Variants in DTNB observed in about 807,000 individuals in gnomAD.
DTNB encodes the protein DTN-B.
A neutral mutation model predicts 90.7 loss-of-function variants in DTNB; 63 were observed. The ratio of observed to expected loss-of-function variants is 0.69; its 90% CI spans 0.57 to 0.86. DTNB has a LOEUF of 0.86. Ranked by LOEUF, DTNB falls within the 40% of genes least tolerant of loss-of-function variation. The pLI is 0.00. For missense variants in DTNB, 744 were observed against 807.1 expected, an observed-to-expected ratio of 0.92 and a Z score of 0.95; for synonymous variants, 277 against 286.7, an observed-to-expected ratio of 0.97 and a Z score of 0.34.
chr2:25,537,619 C>T (rs1038594089), intron 8 of DTNB, among the ~76,000 whole-genome samples: 2 of 152,110 alleles, frequency 1.3e-5, no homozygotes, highest in African/African-American at 4.8e-5. Context: ...AAGGGATTTC[C>T]TTAAAAGATC....
At chr2:25,657,377 G>T (rs2082267894) in intron 1 of DTNB, among the ~76,000 whole-genome samples, 3 of 152,112 alleles carry the variant, frequency 2.0e-5, no homozygotes. Flanking sequence ...CTGAGTGACA[G>T]AAAATATTTT....
rs1318000081 is a variant in DTNB at position 25,597,843 on chromosome 2, CA to C, written c.449-1604del. Among the ~76,000 whole-genome samples the C allele has an allele frequency of 4.6e-5, 7 of 152,212 alleles. No homozygotes were observed. The South Asian group carries it at 1.5e-3, about 32-fold the overall frequency. On this transcript the variant is annotated intron_variant, in intron 5 of 20. Transcript: ENST00000406818. ...TGGTCCTTATCCCCCAAGAAACTTT[CA>C]ATGTAGCTGGAAAAATAAGATACAC...
At chr2:25,457,118 T>C (rs1345631892) in intron 10 of DTNB, among the ~76,000 whole-genome samples, 1 of 152,126 alleles carries the variant, frequency 6.6e-6, no homozygotes, top group Non-Finnish European at 1.5e-5. Context: ...CAAGTGATTC[T>C]CCTGCCTCAG....
At chr2:25,650,795 T>C (rs1239037709) in intron 2 of DTNB, among the ~76,000 whole-genome samples, 1 of 152,096 alleles carries the variant, frequency 6.6e-6, no homozygotes, top group Non-Finnish European at 1.5e-5. Context: ...ACCCCATCTC[T>C]ACTAAAAATA....
chr2:25,491,652 G>C (rs2067518751), intron 9 of DTNB, among the ~76,000 whole-genome samples: 1 of 151,964 alleles, frequency 6.6e-6, no homozygotes, highest in Non-Finnish European at 1.5e-5. Context: ...CCCCTTCACT[G>C]GGAACAGTGG....
At chr2:25,549,328 T>G (rs1318402037) in intron 8 of DTNB, among the ~76,000 whole-genome samples, 1 of 152,070 alleles carries the variant, frequency 6.6e-6, no homozygotes, top group Non-Finnish European at 1.5e-5. Flanking sequence ...CCTACTTTCC[T>G]GTCTTCTCTT....
intron 9 of DTNB, among the ~76,000 whole-genome samples, chr2:25,529,861 T>C (rs1002755494): frequency 6.6e-6 from 1 of 152,154 alleles, no homozygotes; most frequent in Non-Finnish European, 1.5e-5. Context: ...GTTATGGTTA[T>C]CGAAGAGAAT....
intron 12 of DTNB, among the ~76,000 whole-genome samples, chr2:25,436,298 G>A (rs2055747024): frequency 6.6e-6 from 1 of 151,926 alleles, no homozygotes; most frequent in Non-Finnish European, 1.5e-5. Context: ...TTGTGCCACT[G>A]CACTCCAGCC....
At position 25,628,220 on chromosome 2, in the gene DTNB, C is replaced by G; in HGVS notation, c.313G>C (p.Glu105Gln). The G allele has an allele frequency of 6.2e-7, 1 of 1,613,510 alleles. No individual in the cohort carries two copies. The highest frequency in any genetic ancestry group is 1.1e-5 in the South Asian group (1 of 91,062). The change falls in exon 4 of 21, where the codon GAA becomes CAA. Residue 105 changes from glutamate (E) to glutamine (Q), a missense_variant. By Grantham distance (29) the Glu-to-Gln change is conservative (BLOSUM62 2). Coordinates refer to ENST00000406818, the MANE Select transcript of DTNB (RefSeq NM_021907.5). The part of the protein sequence containing the change: ...RLPSTHQISV[E>Q]QSISLLLNFM... ...TTGAGGAGGAGGCTGATAGATTGTTCCACACTAATTTGGTGAGTAGAAGGA... is the reference window on the plus strand; with the variant it reads ...TTGAGGAGGAGGCTGATAGATTGTTGCACACTAATTTGGTGAGTAGAAGGA...
chr2:25,509,727 A>G (rs1181151254), intron 9 of DTNB, among the ~76,000 whole-genome samples: 1 of 135,590 alleles, frequency 7.4e-6, no homozygotes, highest in Non-Finnish European at 1.6e-5. Context: ...GTGTGTAGGT[A>G]TGAATTTTCT....
At chr2:25,652,929 A>C (rs2081256934) in intron 1 of DTNB, 1 of 299,798 alleles carries the variant, frequency 3.3e-6, no homozygotes, top group Admixed American at 4.9e-5. Context: ...ACTTACTTCT[A>C]ACTTTGATTA....
At chr2:25,463,254 C>T (rs544563291) in intron 10 of DTNB, among the ~76,000 whole-genome samples, 1 of 152,334 alleles carries the variant, frequency 6.6e-6, no homozygotes, top group Middle Eastern at 3.4e-3. Context: ...ACCCAGCCAT[C>T]AGGCCAAAAC....
chr2:25,615,142 A>T (rs2069898370), intron 4 of DTNB, among the ~76,000 whole-genome samples: 1 of 152,212 alleles, frequency 6.6e-6, no homozygotes, highest in Non-Finnish European at 1.5e-5. Context: ...TTTATGAAGG[A>T]TATTATAAAA....
At chr2:25,419,180 G>A (rs912279926) in intron 16 of DTNB, 1 of 404,514 alleles carries the variant, frequency 2.5e-6, no homozygotes, top group African/African-American at 2.0e-5. Flanking sequence ...CCTGAAAGTT[G>A]TTTCAAGCAA....
At chr2:25,422,281 T>C (rs2049973556) in intron 15 of DTNB, among the ~76,000 whole-genome samples, 1 of 152,148 alleles carries the variant, frequency 6.6e-6, no homozygotes, top group Non-Finnish European at 1.5e-5. Context: ...ACATAGCCAC[T>C]GTAGTCATTT....
chr2:25,605,736 T>A (rs1004111472), intron 5 of DTNB, among the ~76,000 whole-genome samples: 1 of 152,208 alleles, frequency 6.6e-6, no homozygotes, highest in African/African-American at 2.4e-5. Context: ...ATATTCTTTA[T>A]CTGGTATCAG....
At chr2:25,639,181 A>T in intron 2 of DTNB, 87 bp from the exon 3 acceptor site, 1 of 1,290,066 alleles carries the variant, frequency 7.8e-7, no homozygotes, top group Middle Eastern at 2.2e-4. Context: ...TTGTATTGTC[A>T]TAGTATACCA....
chr2:25,578,682 G>C (rs2061084056), intron 7 of DTNB, among the ~76,000 whole-genome samples: 1 of 152,146 alleles, frequency 6.6e-6, no homozygotes, highest in African/African-American at 2.4e-5. Flanking sequence ...AAATAAGAAA[G>C]AGAAGGACTG....
intron 9 of DTNB, among the ~76,000 whole-genome samples, chr2:25,494,562 C>T (rs1027639164): frequency 6.6e-6 from 1 of 151,998 alleles, no homozygotes; most frequent in African/African-American, 2.4e-5. Flanking sequence ...ACCAACCTCA[C>T]GAAGGCAGGG....
Sources: allele counts gnomAD v4.1 joint callset (sites outside exome capture counted in the v4.1 genomes callset), GRCh38; gene constraint gnomAD v4.1.1; transcripts MANE v1.5; gene names NCBI Gene and HGNC (gene_info 2026-07-23, HGNC 2026-07-21).